The following SCFD1 variants were observed in gnomAD, a reference collection of about 807,000 sequenced individuals.
SCFD1 encodes the protein sec1 family domain containing 1.
In SCFD1, 37 loss-of-function variants were observed where a neutral mutation model predicts 103.2. The observed-to-expected ratio is 0.36, with a 90% CI of 0.28 to 0.47. The LOEUF is 0.47. Among genes scored for constraint, SCFD1 ranks in the 20% least tolerant of loss-of-function variants. The probability of loss-of-function intolerance (pLI) is 1.00; values close to 1 mark genes in which losing one functional copy is unlikely to be tolerated. For missense variants in SCFD1, 639 were observed against 761.2 expected (o/e 0.84, Z 1.89); for synonymous variants, 264 against 245.0 (o/e 1.08, Z -0.73).
chr14:30,670,889 G>A (rs1357894035), intron 11 of SCFD1, among the ~76,000 whole-genome samples: 1 of 151,914 alleles, frequency 6.6e-6, no homozygotes, highest in Admixed American at 6.6e-5. Flanking sequence ...ATTTACTGTG[G>A]GCAGATATAC....
At chr14:30,663,486 G>A (rs924663830) in intron 10 of SCFD1, among the ~76,000 whole-genome samples, 2 of 152,148 alleles carry the variant, frequency 1.3e-5, no homozygotes, top group South Asian at 2.1e-4. Flanking sequence ...TTAGATACGA[G>A]GATGGGAAAC....
At position 30,667,341 on chromosome 14, in the gene SCFD1, G is replaced by A. The variant is rs1246030833; in HGVS notation, c.856-2915G>A. Among the ~76,000 whole-genome samples, 4 of 152,216 alleles carry A rather than the reference G, an allele frequency of 2.6e-5. No individual in the cohort carries two copies. In the East Asian group the frequency reaches 5.8e-4, roughly 22 times the overall value. On this transcript the variant is annotated intron_variant, in intron 10 of 24. Coordinates refer to ENST00000458591, the MANE Select transcript of SCFD1 (RefSeq NM_016106.4). ...CTCAATAGATGCAGAAGAGGCCTTC[G>A]ACAAAATTCAACAGCCCTTCATGCT...
At chr14:30,717,656 C>A (rs997606078) in intron 20 of SCFD1, among the ~76,000 whole-genome samples, 1 of 151,932 alleles carries the variant, frequency 6.6e-6, no homozygotes, top group Admixed American at 6.6e-5. Context: ...CTTTGGGAGG[C>A]CGAAGCAGGT....
chr14:30,713,158 A>T (rs1038510589), intron 19 of SCFD1, among the ~76,000 whole-genome samples: 1 of 152,200 alleles, frequency 6.6e-6, no homozygotes, highest in Non-Finnish European at 1.5e-5. Context: ...CAAAGAATGA[A>T]GGCTAGCTAG....
In SCFD1 at chr14:30,719,367, G is replaced by T; in HGVS notation, c.1726G>T (p.Gly576Cys). The T allele has an allele frequency of 1.2e-6, 2 of 1,605,084 alleles. No homozygotes were observed. Among genetic ancestry groups the T allele is most frequent in the Non-Finnish European group, 1.7e-6 (2 of 1,176,142 alleles). ...YRYFDPKMLR[G>C]NDSSVPRNKN... ...ATATTTTGATCCCAAAATGCTGCGG[G>T]GCAATGACAGGTAAGCAGCTTTTGT... Residue 576 changes from glycine to cysteine, a missense_variant, in exon 21 of 25, where the codon GGC (glycine) becomes TGC (cysteine). Coordinates refer to ENST00000458591, the MANE Select transcript of SCFD1 (RefSeq NM_016106.4).
rs531775003 is a variant in SCFD1 at position 30,665,845 on chromosome 14, A to G, written c.856-4411A>G. ...ATCAATTCAACAAGAAGAGCTAACT[A>G]TTGTAAATATATATGCACCTAATAC... On this transcript the variant is annotated intron_variant, in intron 10 of 24. Transcript: ENST00000458591. Among the ~76,000 whole-genome samples the G allele has an allele frequency of 2.3e-4, 35 of 152,352 alleles. No homozygotes were observed. The East Asian group carries it at 4.0e-3, about 18-fold the overall frequency.
chr14:30,713,266 T>C (rs1318663717), intron 19 of SCFD1, among the ~76,000 whole-genome samples: 1 of 152,216 alleles, frequency 6.6e-6, no homozygotes, highest in Admixed American at 6.5e-5. Context: ...TCTCTGTACT[T>C]GAAGCTTCCA....
chr14:30,666,270 T>G (rs552886062), intron 10 of SCFD1, among the ~76,000 whole-genome samples: 2 of 152,296 alleles, frequency 1.3e-5, no homozygotes, highest in African/African-American at 2.4e-5. Context: ...ACCGCACAAC[T>G]ACCTGGAAAC....
At chr14:30,711,686 GTTAA>G (rs1891884585) in intron 19 of SCFD1, among the ~76,000 whole-genome samples, 1 of 151,922 alleles carries the variant, frequency 6.6e-6, no homozygotes, top group Non-Finnish European at 1.5e-5. Context: ...ATAAATCACT[GTTAA>G]TTATGTAATA....
At chr14:30,700,113 A>G (rs1177609317) in intron 15 of SCFD1, 75 bp from the exon 16 acceptor site, 13 of 1,020,650 alleles carry the variant, frequency 1.3e-5, no homozygotes, top group Non-Finnish European at 1.9e-5. Context: ...TTGAAATGTA[A>G]CATACTTGTG....
intron 23 of SCFD1, among the ~76,000 whole-genome samples, chr14:30,733,305 G>T (rs748672700): frequency 1.3e-5 from 2 of 152,164 alleles, no homozygotes; most frequent in Non-Finnish European, 2.9e-5. Context: ...ACTGCGCCCA[G>T]CCCATAAAGT....
intron 19 of SCFD1, among the ~76,000 whole-genome samples, chr14:30,712,890 C>CATTTGATAAA (rs1891988499): frequency 6.6e-6 from 1 of 152,124 alleles, no homozygotes; most frequent in Non-Finnish European, 1.5e-5. Flanking sequence ...TGGAGTTTTT[C>CATTTGATAAA]ATTTGATAAA....
At chr14:30,661,745 A>T (rs1193387088) in intron 10 of SCFD1, among the ~76,000 whole-genome samples, 1 of 152,172 alleles carries the variant, frequency 6.6e-6, no homozygotes, top group East Asian at 1.9e-4. Context: ...GAAGAGTAGA[A>T]ATAAGTTTTA....
chr14:30,725,704 A>G (rs1462894628), intron 23 of SCFD1, among the ~76,000 whole-genome samples: 1 of 152,194 alleles, frequency 6.6e-6, no homozygotes, highest in African/African-American at 2.4e-5. Flanking sequence ...TGCCCTGGCC[A>G]GAACTTCCAA....
At chr14:30,692,585 T>A (rs570266612) in intron 14 of SCFD1, among the ~76,000 whole-genome samples, 1 of 152,300 alleles carries the variant, frequency 6.6e-6, no homozygotes, top group South Asian at 2.1e-4. Flanking sequence ...AACTTGAGCC[T>A]AAGACTAGAG....
chr14:30,650,649 A>T lies in SCFD1; in HGVS notation c.754A>T (p.Ser252Cys). 1 of 1,551,000 alleles carries T rather than the reference A, an allele frequency of 6.4e-7. No individual in the cohort carries two copies. Among genetic ancestry groups the T allele is most frequent in the Middle Eastern group, 1.7e-4 (1 of 5,952 alleles). Reference sequence around the variant, plus strand: ...TGATACACTTGGAGCTGGCCAATTCAGGTATTACTGTTATTAAATACACTT... The same window carrying T: ...TGATACACTTGGAGCTGGCCAATTCTGGTATTACTGTTATTAAATACACTT... ...TGDTLGAGQF[S>C]FQRPLLVLVD... is the part of the protein sequence containing the mutation. Residue 252 changes from serine to cysteine, a missense_variant and splice_region_variant, in exon 9 of 25, where the codon AGC becomes TGC. Ser to Cys is a moderately radical substitution (Grantham distance 112). Coordinates refer to ENST00000458591, the MANE Select transcript of SCFD1 (RefSeq NM_016106.4).
In SCFD1 at chr14:30,715,965, G is replaced by A. The variant is rs1892252460; in HGVS notation, c.1671G>A (p.Met557Ile). The A allele has an allele frequency of 5.1e-6, 8 of 1,561,254 alleles. No individual in the cohort carries two copies. Among genetic ancestry groups the A allele is most frequent in the Non-Finnish European group, 7.0e-6 (8 of 1,140,992 alleles). ...VTRILDNLME[M>I]KSNPETDDYR... ...GTATTTTGGACAATCTTATGGAGAT[G>A]AAGTCAAACCCCGTGAGTACCATAT... The change falls in exon 20 of 25, where the codon ATG becomes ATA. Residue 557 changes from methionine to isoleucine, a missense_variant. Transcript: ENST00000458591.
intron 19 of SCFD1, among the ~76,000 whole-genome samples, chr14:30,708,429 G>C (rs976337876): frequency 2.0e-5 from 3 of 152,062 alleles, no homozygotes; most frequent in Non-Finnish European, 2.9e-5. Flanking sequence ...TTGGTTTTCT[G>C]TTCCTGAGTT....
intron 20 of SCFD1, among the ~76,000 whole-genome samples, chr14:30,718,289 A>G (rs1315721479): frequency 1.3e-5 from 2 of 152,178 alleles, no homozygotes; most frequent in African/African-American, 2.4e-5. Context: ...CAGCATACAC[A>G]TTCCTTCCAC....
Sources: allele counts gnomAD v4.1 joint callset (sites outside exome capture counted in the v4.1 genomes callset), GRCh38; gene constraint gnomAD v4.1.1; transcripts MANE v1.5; gene names NCBI Gene and HGNC (gene_info 2026-07-23, HGNC 2026-07-21).